Variants in SLC9B2 observed in about 807,000 individuals in gnomAD.
The protein encoded by SLC9B2 is sodium/hydrogen exchanger 9B2.
A neutral mutation model predicts 52.2 loss-of-function variants in SLC9B2; 39 were observed. The ratio of observed to expected loss-of-function variants is 0.75; its 90% CI spans 0.58 to 0.98. The LOEUF (loss-of-function observed/expected upper bound fraction) is 0.98. Ranked by LOEUF, SLC9B2 falls within the 50% of genes least tolerant of loss-of-function variation. SLC9B2 has a pLI of 0.00. For missense variants in SLC9B2, 626 were observed against 637.5 expected, an observed-to-expected ratio of 0.98 and a Z score of 0.19; for synonymous variants, 214 against 227.0, an observed-to-expected ratio of 0.94 and a Z score of 0.51.
At chr4:103,039,858 G>C (rs1743488374) in intron 9 of SLC9B2, among the ~76,000 whole-genome samples, 1 of 151,742 alleles carries the variant, frequency 6.6e-6, no homozygotes, top group African/African-American at 2.4e-5. Flanking sequence ...ATGCTGGCCA[G>C]GCTGGTCTCG....
chr4:103,040,623 A>C (rs561037730), intron 9 of SLC9B2, among the ~76,000 whole-genome samples: 5 of 152,346 alleles, frequency 3.3e-5, no homozygotes, highest in Non-Finnish European at 7.3e-5. Context: ...TATCTTACAG[A>C]TGGATAATCA....
Position 103,047,355 on chromosome 4 carries a change from A to G in SLC9B2, c.714-129T>C, listed in dbSNP as rs898306607. On this transcript the variant is annotated intron_variant, in intron 6 of 11. Coordinates refer to ENST00000394785, the MANE Select transcript of SLC9B2 (RefSeq NM_178833.7). The stretch of plus-strand genomic sequence containing the variant: ...GTCTTTCTTTTTTTTTTTCTAAATT[A>G]AGAAAACAAACTTTAATAAGAATTG... 2.2e-5 allele frequency: 18 copies of G among 825,610 alleles called. No homozygotes were observed. The Admixed American group carries it at 3.5e-4, about 16-fold the overall frequency. 51.1% of individuals were successfully genotyped at this position (825,610 alleles called of 1,614,324 possible). A position where few individuals can be genotyped will look rare whatever the true frequency, so the allele number is the denominator to read the frequency against.
intron 9 of SLC9B2, chr4:103,042,284 T>C (rs1369382667): frequency 6.6e-6 from 1 of 152,152 alleles, no homozygotes; most frequent in Non-Finnish European, 1.5e-5. Context: ...CTTCAGGCTT[T>C]GTAAGATTAT....
chr4:103,018,402 T>TA, downstream of SLC9B2, among the ~76,000 whole-genome samples: 1 of 152,142 alleles, frequency 6.6e-6, no homozygotes, highest in Admixed American at 6.5e-5. Flanking sequence ...AAAAGTAAGT[T>TA]AAAAAAAATT....
chr4:103,069,663 T>G (rs1746447781), intron 1 of SLC9B2, among the ~76,000 whole-genome samples: 1 of 152,236 alleles, frequency 6.6e-6, no homozygotes. Context: ...TATTTGGTCA[T>G]GATTTTTCAT....
chr4:103,039,558 T>A (rs1226683991), intron 9 of SLC9B2, among the ~76,000 whole-genome samples: 1 of 152,052 alleles, frequency 6.6e-6, no homozygotes, highest in East Asian at 1.9e-4. Flanking sequence ...AGAAAAGATA[T>A]GGAGAGTACC....
chr4:103,041,774 G>GTA lies in SLC9B2; in HGVS notation c.1146+1521_1146+1522insTA, dbSNP rs1311449860. On this transcript the variant is annotated intron_variant, in intron 9 of 11. Coordinates refer to ENST00000394785, the MANE Select transcript of SLC9B2 (RefSeq NM_178833.7). ...ACAATAATGCTACAGTTGTACTACA[G>GTA]CATAGTACAACTCACCTTGGAGTCA... is the stretch of plus-strand genomic sequence containing the variant. Among the ~76,000 whole-genome samples the GTA allele has an allele frequency of 4.9e-4, 74 of 152,086 alleles. 1 individual carries two copies. The highest frequency in any genetic ancestry group is 5.2e-4 in the Admixed American group (8 of 15,264).
chr4:103,048,903 A>T lies in SLC9B2; in HGVS notation c.703T>A (p.Phe235Ile), dbSNP rs574143543. 74 of 1,613,826 alleles carry T rather than the reference A, an allele frequency of 4.6e-5. 1 individual carries two copies. The Admixed American group carries it at 6.0e-4, about 13-fold the overall frequency. Residue 235 changes from phenylalanine (F) to isoleucine (I), a missense_variant, in exon 6 of 12, where the codon TTT becomes ATT. Phe to Ile is a conservative substitution (Grantham distance 21). Coordinates refer to ENST00000394785, the MANE Select transcript of SLC9B2 (RefSeq NM_178833.7). ...AGAAACAATCATTACCCCAGTATAA[A>T]TCCCCATTGCCATGGTAAACCCAGC... ...YLLGLPWQWG[F>I]ILGFVLGAVS...
At chr4:103,048,579 C>T (rs1744375813) in intron 6 of SLC9B2, 1 of 203,972 alleles carries the variant, frequency 4.9e-6, no homozygotes, top group Non-Finnish European at 1.0e-5. Flanking sequence ...CTGTTGATCA[C>T]TGTTGCTGTG....
At chr4:103,067,337 T>C in intron 2 of SLC9B2, 124 bp downstream of exon 2, 1 of 768,888 alleles carries the variant, frequency 1.3e-6, no homozygotes, top group Non-Finnish European at 2.2e-6. Flanking sequence ...CAGCTGGCAA[T>C]GATGTTAGCT....
At chr4:103,054,887 G>A (rs1744988777) in intron 4 of SLC9B2, among the ~76,000 whole-genome samples, 1 of 151,978 alleles carries the variant, frequency 6.6e-6, no homozygotes, top group Non-Finnish European at 1.5e-5. Context: ...CCCATTACTG[G>A]GTATATACCC....
intron 6 of SLC9B2, chr4:103,048,650 C>G: frequency 2.8e-6 from 1 of 362,946 alleles, no homozygotes; most frequent in African/African-American, 2.1e-5. Flanking sequence ...GGCATTGAAT[C>G]AGGTGTAGGC....
intron 4 of SLC9B2, among the ~76,000 whole-genome samples, chr4:103,056,464 T>A (rs1304089681): frequency 6.6e-6 from 1 of 152,042 alleles, no homozygotes; most frequent in Non-Finnish European, 1.5e-5. Context: ...GCCAGGCTGA[T>A]CTTGAACTCC....
At chr4:103,019,215 C>T (rs1308684246), downstream of SLC9B2, among the ~76,000 whole-genome samples, 1 of 152,080 alleles carries the variant, frequency 6.6e-6, no homozygotes, top group Non-Finnish European at 1.5e-5. Context: ...AATCTCCAGT[C>T]GCAGGAGCAT....
At chr4:103,019,015 A>C (rs548301787), downstream of SLC9B2, among the ~76,000 whole-genome samples, 5 of 152,288 alleles carry the variant, frequency 3.3e-5, no homozygotes, top group South Asian at 6.2e-4. Flanking sequence ...GAGATAGAAG[A>C]GTGTCATCCC....
intron 8 of SLC9B2, among the ~76,000 whole-genome samples, chr4:103,044,434 T>C (rs1016118956): frequency 6.6e-6 from 1 of 152,170 alleles, no homozygotes; most frequent in Non-Finnish European, 1.5e-5. Context: ...ATGTATTAGA[T>C]ATGGGCTCTT....
rs762625204 is a variant in SLC9B2 at position 103,026,383 on chromosome 4, G to A, written c.1601C>T (p.Ser534Phe). 3 of 1,611,400 alleles carry A rather than the reference G, an allele frequency of 1.9e-6. No homozygotes were observed. Among genetic ancestry groups the A allele is most frequent in the Non-Finnish European group, 1.7e-6 (2 of 1,178,422 alleles). Residue 534 changes from serine to phenylalanine, a missense_variant, in exon 12 of 12, where the codon TCT becomes TTT. Physicochemically the swap from Ser to Phe is radical, Grantham distance 155. Transcript: ENST00000394785. ...NKDEEVQGET[S>F]VQV is the part of the protein sequence containing the mutation. The stretch of plus-strand genomic sequence containing the variant: ...CTCTTTTCACCTCTAAACTTGCACA[G>A]AAGTCTCTCCTTGAACTTCTTCATC...
chr4:103,057,926 C>A lies in SLC9B2; in HGVS notation c.317G>T (p.Gly106Val), dbSNP rs574963774. ...GTTTCCTCCAGGAAGACATTCACTG[C>A]CAGTAATTGACCAAACTACAGCCCA... The part of the protein sequence containing the change: ...LLWAVVWSIT[G>V]SECLPGGNLF... The change falls in exon 4 of 12, where the codon GGC becomes GTC. Residue 106 changes from glycine (G) to valine (V), a missense_variant. Gly to Val is a moderately radical substitution (Grantham distance 109). Coordinates refer to ENST00000394785, the MANE Select transcript of SLC9B2 (RefSeq NM_178833.7). 12 of 1,613,744 alleles carry A rather than the reference C, an allele frequency of 7.4e-6. No homozygotes were observed. Among genetic ancestry groups the A allele is most frequent in the Non-Finnish European group, 1.0e-5 (12 of 1,179,902 alleles).
At chr4:103,035,403 T>C (rs1313729700) in intron 9 of SLC9B2, among the ~76,000 whole-genome samples, 1 of 152,180 alleles carries the variant, frequency 6.6e-6, no homozygotes, top group Admixed American at 6.6e-5. Context: ...TTTATGTTGA[T>C]TTCATGTCTT....
Sources: allele counts gnomAD v4.1 joint callset (sites outside exome capture counted in the v4.1 genomes callset), GRCh38; gene constraint gnomAD v4.1.1; transcripts MANE v1.5; gene names NCBI Gene and HGNC (gene_info 2026-07-23, HGNC 2026-07-21).